The following LAMA5 variants were observed in gnomAD, a reference collection of about 807,000 sequenced individuals.
LAMA5 encodes the protein laminin subunit alpha 5, also known as laminin subunit alpha-5.
In LAMA5, 260 loss-of-function variants were observed where a neutral mutation model predicts 433.4. That is an observed-to-expected ratio of 0.60 (90% CI 0.54 to 0.66). The LOEUF is 0.66. Ranked by LOEUF, LAMA5 falls within the 30% of genes least tolerant of loss-of-function variation. The pLI, the probability that LAMA5 is intolerant of heterozygous loss-of-function variation, is 0.00. For synonymous variants in LAMA5, 2,620 were observed against 2,226.6 expected, an observed-to-expected ratio of 1.18 and a Z score of -4.97; for missense variants, 5,378 against 5,258.5, an observed-to-expected ratio of 1.02 and a Z score of -0.70.
intron 70 of LAMA5, 32 bp from the exon 71 acceptor site, chr20:62,311,816 T>TGCCCCCCCCCCC: frequency 1.3e-6 from 2 of 1,521,008 alleles, no homozygotes; most frequent in Non-Finnish European, 1.8e-6. Context: ...GCTCGGTTTT[T>TGCCCCCCCCCCC]CCCCACCCTG....
In LAMA5 at chr20:62,317,408, C is replaced by T. The variant is rs201943878; in HGVS notation, c.7448G>A (p.Arg2483His). 2.4e-4 allele frequency: 382 copies of T among 1,608,660 alleles called. 2 individuals are homozygous for T. The Admixed American group carries it at 5.2e-3, about 22-fold the overall frequency. Residue 2483 changes from arginine (R) to histidine (H), a missense_variant, in exon 55 of 80, where the codon CGT becomes CAT. Physicochemically the swap from Arg to His is conservative, Grantham distance 29. Coordinates refer to ENST00000252999, the MANE Select transcript of LAMA5 (RefSeq NM_005560.6). ...GTGGGCCTCGGCGGCCTCCACTAGA[C>T]GCAGCTTGCTGCCCGCCGGGGAGAA... is the stretch of plus-strand genomic sequence containing the variant. ...QTFSPAGSKL[R>H]LVEAAEAHAQ...
chr20:62,336,359 G>A lies in LAMA5; in HGVS notation c.2304C>T (p.Ser768=), dbSNP rs1981627886. The A allele has an allele frequency of 6.2e-7, 1 of 1,611,294 alleles. No individual in the cohort carries two copies. The highest frequency in any genetic ancestry group is 8.5e-7 in the Non-Finnish European group (1 of 1,178,922). ...ACTCACGGGTACAGCCCTCGGGGTT[G>A]CTGGGGCTCAGTCCCCAGAACCCAG... ...CKPGFWGLSP[S]NPEGCTRCSC... is the part of the protein sequence containing the mutation. Residue 768 remains serine (S), a synonymous_variant, in exon 18 of 80, where the codon AGC becomes AGT. Coordinates refer to ENST00000252999, the MANE Select transcript of LAMA5 (RefSeq NM_005560.6).
At position 62,323,841 on chromosome 20, in the gene LAMA5, A is replaced by G; in HGVS notation, c.5784T>C (p.Cys1928=). The change falls in exon 44 of 80, where the codon TGT becomes TGC. Residue 1928 remains cysteine (C), a synonymous_variant. Coordinates refer to ENST00000252999, the MANE Select transcript of LAMA5 (RefSeq NM_005560.6). ...SVPSNNFAEG[C]VLRGGRTQCL... ...ACTGGGTGCGGCCGCCTCGCAGGAC[A>G]CAGCCCTCGGCGAAGCTGCAAAGAC... 4 of 1,608,564 alleles carry G rather than the reference A, an allele frequency of 2.5e-6. No homozygotes were observed. The highest frequency in any genetic ancestry group is 3.4e-6 in the Non-Finnish European group (4 of 1,177,958).
rs750187480 is a variant in LAMA5, at chr20:62,316,950, G to A, written c.7585C>T (p.Leu2529=). Residue 2529 remains leucine, a synonymous_variant, in exon 56 of 80, where the codon CTG becomes TTG. Coordinates refer to ENST00000252999, the MANE Select transcript of LAMA5 (RefSeq NM_005560.6). The part of the protein sequence containing the change: ...IEASNAYSRI[L]QAVQAAEDAA... ...TCCTCGGCAGCCTGCACGGCCTGCA[G>A]GATGCGGCTGTAGGCGTTGGAGGCC... 3.8e-6 allele frequency: 6 copies of A among 1,569,326 alleles called. No homozygotes were observed. The highest frequency in any genetic ancestry group is 3.6e-5 in the Admixed American group (2 of 55,316).
Position 62,360,449 on chromosome 20 carries a change from AGGGATAGATGGGTGGTGGGTGGG to A in LAMA5, c.450+1928_450+1950del. 4.1e-3 allele frequency among the ~76,000 whole-genome samples: 2 copies of A among 488 alleles called. 1 individual carries two copies. The highest frequency in any genetic ancestry group is 0.029 in the Non-Finnish European group (2 of 68). 0.3% of individuals were successfully genotyped at this position (488 alleles called of 152,430 possible). ...GAGGGATGGGTGAGTGGGTGGGTGG[AGGGATAGATGGGTGGTGGGTGGG>A]TGGAGGGATAGATGGGTGGTGGGTG... is the stretch of plus-strand genomic sequence containing the variant. On this transcript the variant is annotated intron_variant, in intron 2 of 79. Coordinates refer to ENST00000252999, the MANE Select transcript of LAMA5 (RefSeq NM_005560.6).
In LAMA5 at chr20:62,353,356, G is replaced by A. The variant is rs1984663950; in HGVS notation, c.451-105C>T. 8 of 798,856 alleles carry A rather than the reference G, an allele frequency of 1.0e-5. No homozygotes were observed. The South Asian group carries it at 1.4e-4, about 14-fold the overall frequency. The allele number at this position is 798,856 out of a possible 1,614,324, so 49.5% of individuals were successfully genotyped here. ...CTCAGGTGAGGCCACAGCAGGGGAT[G>A]TGGCACCCTCGCCGCACAGGGGGCA... On this transcript the variant is annotated intron_variant, in intron 2 of 79. Transcript: ENST00000252999.
intron 11 of LAMA5, among the ~76,000 whole-genome samples, chr20:62,340,400 C>T (rs1400529275): frequency 1.4e-5 from 2 of 144,676 alleles, no homozygotes; most frequent in Non-Finnish European, 3.0e-5. Flanking sequence ...CAAACCCTAC[C>T]TCCCGGGTTC....
chr20:62,324,169 C>G lies in LAMA5; in HGVS notation c.5679G>C (p.Glu1893Asp). 6.4e-7 allele frequency: 1 copy of G among 1,565,538 alleles called. No individual in the cohort carries two copies. The highest frequency in any genetic ancestry group is 8.6e-7 in the Non-Finnish European group (1 of 1,165,274). ...CQHNTEGAHCERCQAGFVSSR... is the reference protein window; with the variant it reads ...CQHNTEGAHCDRCQAGFVSSR... The stretch of plus-strand genomic sequence containing the variant: ...TGCTCACGAAGCCAGCCTGGCAGCG[C>G]TCACAGTGGGCCCCTTCGGTGTTGT... The change falls in exon 43 of 80, where the codon GAG becomes GAC. Residue 1893 changes from glutamate (E) to aspartate (D), a missense_variant. Transcript: ENST00000252999. This position sits in a 1 kb window ranked among gnomAD's most constrained non-coding sequence, Gnocchi z 4.4.
intron 6 of LAMA5, among the ~76,000 whole-genome samples, chr20:62,349,122 A>G (rs1435897149): frequency 6.6e-6 from 1 of 151,770 alleles, no homozygotes. Flanking sequence ...ACAAAAAAAA[A>G]TAGCCAGGCG....
intron 6 of LAMA5, among the ~76,000 whole-genome samples, chr20:62,349,389 G>A (rs1442033731): frequency 1.4e-5 from 2 of 147,992 alleles, no homozygotes; most frequent in Non-Finnish European, 2.9e-5. Flanking sequence ...AAGTCCTGGA[G>A]AAGAAGATGA....
At chr20:62,338,709 T>A (rs750297834) in intron 11 of LAMA5, 101 bp from the exon 12 acceptor site, 25 of 1,189,630 alleles carry the variant, frequency 2.1e-5, no homozygotes, top group Non-Finnish European at 2.9e-5. Context: ...TTTCTTACAC[T>A]TTTACACAAC....
intron 2 of LAMA5, among the ~76,000 whole-genome samples, chr20:62,355,642 A>G (rs1057125207): frequency 6.6e-6 from 1 of 151,240 alleles, no homozygotes; most frequent in Non-Finnish European, 1.5e-5. Context: ...GTCATCGTCT[A>G]CCTCCCTGTG....
At chr20:62,330,448 G>T in intron 31 of LAMA5, 40 bp downstream of exon 31, 1 of 1,490,434 alleles carries the variant, frequency 6.7e-7, no homozygotes, top group Non-Finnish European at 9.0e-7. Context: ...CAGCCTCATC[G>T]TGTGTGGTAG....
At chr20:62,355,985 C>T (rs1477441049) in intron 2 of LAMA5, among the ~76,000 whole-genome samples, 1 of 152,212 alleles carries the variant, frequency 6.6e-6, no homozygotes, top group African/African-American at 2.4e-5. Context: ...GGAGGCTGCG[C>T]TCTCCTCGGC....
rs545675469 is a variant in LAMA5 at position 62,332,313 on chromosome 20, T to C, written c.3552+59A>G. 12 of 1,229,578 alleles carry C rather than the reference T, an allele frequency of 9.8e-6. No individual in the cohort carries two copies. The South Asian group carries it at 1.5e-4, about 15-fold the overall frequency. The allele number at this position is 1,229,578 out of a possible 1,614,324, so 76.2% of individuals were successfully genotyped here. On this transcript the variant is annotated intron_variant, in intron 28 of 79. Transcript: ENST00000252999. ...CAACTGTCCTCTCCCCTCTCATGCATGTTTCAAATCTTCTGAAAGAAGCTG... is the reference window on the plus strand; with the variant it reads ...CAACTGTCCTCTCCCCTCTCATGCACGTTTCAAATCTTCTGAAAGAAGCTG...
In LAMA5 at chr20:62,329,906, G is replaced by A. The variant is rs778854894; in HGVS notation, c.3990C>T (p.Asn1330=). The A allele has an allele frequency of 1.7e-5, 28 of 1,611,436 alleles. No homozygotes were observed. The highest frequency in any genetic ancestry group is 5.0e-5 in the Admixed American group (3 of 59,964). The change falls in exon 32 of 80, where the codon AAC becomes AAT. Residue 1330 remains asparagine (N), a synonymous_variant. Coordinates refer to ENST00000252999, the MANE Select transcript of LAMA5 (RefSeq NM_005560.6). ...NAGRVWQGHA[N]ASFCPHGYGC... is the part of the protein sequence containing the mutation. ...CGTAGCCATGTGGACAGAAGCTGGCGTTGGCGTGGCCTGGGCGGGGGAGAA... is the reference window on the plus strand; with the variant it reads ...CGTAGCCATGTGGACAGAAGCTGGCATTGGCGTGGCCTGGGCGGGGGAGAA...
chr20:62,317,431 G>A lies in LAMA5; in HGVS notation c.7425C>T (p.Phe2475=). 2 of 1,605,990 alleles carry A rather than the reference G, an allele frequency of 1.2e-6. No individual in the cohort carries two copies. The highest frequency in any genetic ancestry group is 1.7e-6 in the Non-Finnish European group (2 of 1,176,518). ...RTPLLQRMQT[F]SPAGSKLRLV... is the part of the protein sequence containing the mutation. ...GACGCAGCTTGCTGCCCGCCGGGGAGAAGGTCTGCATCCTCTGCAGCAGTG... is the reference window on the plus strand; with the variant it reads ...GACGCAGCTTGCTGCCCGCCGGGGAAAAGGTCTGCATCCTCTGCAGCAGTG... The change falls in exon 55 of 80, where the codon TTC becomes TTT. Residue 2475 remains phenylalanine (F), a synonymous_variant. Coordinates refer to ENST00000252999, the MANE Select transcript of LAMA5 (RefSeq NM_005560.6).
At position 62,315,008 on chromosome 20, in the gene LAMA5, C is replaced by T. The variant is rs368756626; in HGVS notation, c.8047+20G>A. On this transcript the variant is annotated intron_variant, in intron 59 of 79. Coordinates refer to ENST00000252999, the MANE Select transcript of LAMA5 (RefSeq NM_005560.6). ...CCGTGCCCGCCTCCATCAGGGGCAC[C>T]GCGAGGGCCATGGGCGCACCTGAGT... 3.5e-5 allele frequency: 56 copies of T among 1,578,532 alleles called. No homozygotes were observed. The highest frequency in any genetic ancestry group is 4.4e-5 in the Non-Finnish European group (51 of 1,167,056).
In LAMA5 at chr20:62,326,676, C is replaced by T. The variant is rs1979343160; in HGVS notation, c.5298+1G>A. 3 of 1,611,640 alleles carry T rather than the reference C, an allele frequency of 1.9e-6. No homozygotes were observed. Among genetic ancestry groups the T allele is most frequent in the Non-Finnish European group, 2.5e-6 (3 of 1,179,250 alleles). ...TGGGTGCCCAAGCCAGCTCCCCTCACCTCCACCAGCTGCAGCTGCCCACGG... is the reference window on the plus strand; with the variant it reads ...TGGGTGCCCAAGCCAGCTCCCCTCATCTCCACCAGCTGCAGCTGCCCACGG... On this transcript the variant is annotated splice_donor_variant, in intron 40 of 79. Coordinates refer to ENST00000252999, the MANE Select transcript of LAMA5 (RefSeq NM_005560.6). LOFTEE classifies it high-confidence loss of function.
Sources: gnomAD v4.1 joint callset for allele counts (sites outside exome capture counted in the v4.1 genomes callset) on GRCh38, gnomAD v4.1.1 for gene constraint, Gnocchi (gnomAD v3.1) non-coding constraint, MANE v1.5 for transcripts, NCBI Gene and HGNC (gene_info 2026-07-23, HGNC 2026-07-21) for gene names.